The following UBE2O variants were observed in gnomAD, a reference collection of about 807,000 sequenced individuals.
UBE2O encodes the protein ubiquitin conjugating enzyme E2 O, also known as (E3-independent) E2 ubiquitin-conjugating enzyme.
In UBE2O, 15 loss-of-function variants were observed where a neutral mutation model predicts 125.8. The observed-to-expected ratio is 0.12, with a 90% CI of 0.08 to 0.18. UBE2O has a LOEUF of 0.18. Ranked by LOEUF, UBE2O falls within the 10% of genes least tolerant of loss-of-function variation. The pLI is 1.00. For missense variants in UBE2O, 1,280 were observed against 1,723.6 expected (o/e 0.74, Z 4.56); for synonymous variants, 708 against 703.2 (o/e 1.01, Z -0.11).
At chr17:76,439,078 A>G (rs2073042133) in intron 1 of UBE2O, among the ~76,000 whole-genome samples, 2 of 152,222 alleles carry the variant, frequency 1.3e-5, no homozygotes, top group Non-Finnish European at 1.5e-5. Flanking sequence ...ACCTGCACAC[A>G]CACAGCAAGC....
chr17:76,408,546 C>G (rs941462701), intron 1 of UBE2O, among the ~76,000 whole-genome samples: 7 of 152,222 alleles, frequency 4.6e-5, no homozygotes, highest in Admixed American at 4.6e-4. Context: ...CAGGGAAAGA[C>G]TTCTGGCAGG....
intron 1 of UBE2O, among the ~76,000 whole-genome samples, chr17:76,406,696 T>TG (rs1249075900): frequency 1.5e-3 from 168 of 112,846 alleles, no homozygotes; most frequent in African/African-American, 5.9e-3. Flanking sequence ...CAAGTTGTTT[T>TG]TTTTTTTTTT....
At position 76,399,391 on chromosome 17, in the gene UBE2O, C is replaced by G. The variant is rs1020934436; in HGVS notation, c.1628+58G>C. ...CGCAGGCACGCACACCGAGGGGACG[C>G]GCACTCTGCCTGGCTTCACGCTGAC... On this transcript the variant is annotated intron_variant, in intron 9 of 17. Transcript: ENST00000319380. The surrounding 1 kb of genome is among the most constrained non-coding windows in gnomAD (Gnocchi z 6.9). 7 of 1,525,626 alleles carry G rather than the reference C, an allele frequency of 4.6e-6. No homozygotes were observed. The highest frequency in any genetic ancestry group is 5.4e-6 in the Non-Finnish European group (6 of 1,110,204). 94.5% of individuals were successfully genotyped at this position (1,525,626 alleles called of 1,614,324 possible). A position where few individuals can be genotyped will look rare whatever the true frequency, so the allele number is the denominator to read the frequency against.
At chr17:76,434,203 C>A (rs557269988) in intron 1 of UBE2O, among the ~76,000 whole-genome samples, 2 of 152,290 alleles carry the variant, frequency 1.3e-5, no homozygotes, top group South Asian at 4.1e-4. Context: ...CCCTTCCAGT[C>A]TTACCACTAT....
intron 1 of UBE2O, among the ~76,000 whole-genome samples, chr17:76,428,487 T>C (rs976701830): frequency 6.6e-6 from 1 of 152,268 alleles, no homozygotes; most frequent in African/African-American, 2.4e-5. Flanking sequence ...ATTTTTATAG[T>C]AACTTTTTAT....
chr17:76,424,444 C>A (rs886128536), intron 1 of UBE2O, among the ~76,000 whole-genome samples: 1 of 142,748 alleles, frequency 7.0e-6, no homozygotes, highest in Non-Finnish European at 1.5e-5. Context: ...CCTGACCTCA[C>A]GTGATTCGCC....
rs1025537345 is a variant in UBE2O, at chr17:76,410,501, G to A, written c.418-4929C>T. 2.0e-5 allele frequency among the ~76,000 whole-genome samples: 3 copies of A among 152,300 alleles called. No homozygotes were observed. Among genetic ancestry groups the A allele is most frequent in the Non-Finnish European group, 2.9e-5 (2 of 68,014 alleles). ...AGTGCCACAGCTGAGAAGCCCTGAAGGTGCTCTGGAGACGCAGGTGCTGAG... is the reference window on the plus strand; with the variant it reads ...AGTGCCACAGCTGAGAAGCCCTGAAAGTGCTCTGGAGACGCAGGTGCTGAG... On this transcript the variant is annotated intron_variant, in intron 1 of 17. Transcript: ENST00000319380. This position sits in a 1 kb window ranked among gnomAD's most constrained non-coding sequence, Gnocchi z 4.0.
intron 1 of UBE2O, among the ~76,000 whole-genome samples, chr17:76,406,064 C>T (rs920961603): frequency 2.0e-5 from 3 of 152,198 alleles, no homozygotes; most frequent in Non-Finnish European, 2.9e-5. Context: ...TGGCTATCAC[C>T]GGACACCATG....
intron 1 of UBE2O, among the ~76,000 whole-genome samples, chr17:76,437,728 T>C (rs1406795494): frequency 6.6e-6 from 1 of 152,106 alleles, no homozygotes; most frequent in Non-Finnish European, 1.5e-5. Flanking sequence ...TCAATGTCAA[T>C]TTTTTTACTT....
chr17:76,434,654 T>C (rs1049905121), intron 1 of UBE2O, among the ~76,000 whole-genome samples: 2 of 152,092 alleles, frequency 1.3e-5, no homozygotes, highest in African/African-American at 4.8e-5. Flanking sequence ...CCTTGGCTTC[T>C]GCAAGGAGCT....
chr17:76,446,595 T>G (rs61619670), intron 1 of UBE2O, among the ~76,000 whole-genome samples: 1 of 152,084 alleles, frequency 6.6e-6, no homozygotes, highest in African/African-American at 2.4e-5. Flanking sequence ...GAAACTGAAA[T>G]TGAGGTGGAA....
At chr17:76,435,417 TACAC>T (rs59781051) in intron 1 of UBE2O, among the ~76,000 whole-genome samples, 7,233 of 96,374 alleles carry the variant, frequency 0.075, 239 homozygotes, top group African/African-American at 0.1. Context: ...CACACACACA[TACAC>T]ACACACACAC....
chr17:76,406,213 T>C (rs964985217), intron 1 of UBE2O, among the ~76,000 whole-genome samples: 2 of 152,246 alleles, frequency 1.3e-5, no homozygotes, highest in Non-Finnish European at 2.9e-5. Context: ...TGATTGTCTC[T>C]TTACGCACAG....
intron 1 of UBE2O, among the ~76,000 whole-genome samples, chr17:76,420,156 T>C (rs567524053): frequency 2.0e-5 from 3 of 152,236 alleles, no homozygotes; most frequent in East Asian, 3.9e-4. Context: ...ACAGCCACAC[T>C]CTGAAAATGC....
chr17:76,451,551 C>A (rs992380796), intron 1 of UBE2O, among the ~76,000 whole-genome samples: 1 of 152,120 alleles, frequency 6.6e-6, no homozygotes, highest in African/African-American at 2.4e-5. Context: ...CTTCTCAAGC[C>A]GTTGTCACAG....
chr17:76,420,365 AG>A (rs994313125), intron 1 of UBE2O, among the ~76,000 whole-genome samples: 2 of 151,958 alleles, frequency 1.3e-5, no homozygotes, highest in Admixed American at 6.6e-5. Flanking sequence ...ATGGAAGTGC[AG>A]GGGGGCCTAT....
rs1414566958 is a variant in UBE2O at position 76,400,157 on chromosome 17, A to G, written c.1145T>C (p.Met382Thr). The change falls in exon 8 of 18, where the codon ATG becomes ACG. Residue 382 changes from methionine (M) to threonine (T), a missense_variant. Coordinates refer to ENST00000319380, the MANE Select transcript of UBE2O (RefSeq NM_022066.4). The surrounding 1 kb of genome is among the most constrained non-coding windows in gnomAD (Gnocchi z 4.3). ...EKNCAQGEGS[M>T]AKKVKRLLKK... Reference sequence around the variant, plus strand: ...ACCCCAAGGACATACCTTCTTGGCCATAGAGCCCTCCCCCTGGGCGCAGTT... The same window carrying G: ...ACCCCAAGGACATACCTTCTTGGCCGTAGAGCCCTCCCCCTGGGCGCAGTT... 2 of 1,613,982 alleles carry G rather than the reference A, an allele frequency of 1.2e-6. No homozygotes were observed. Among genetic ancestry groups the G allele is most frequent in the Non-Finnish European group, 1.7e-6 (2 of 1,179,936 alleles).
chr17:76,398,882 C>A lies in UBE2O; in HGVS notation c.1738G>T (p.Asp580Tyr). Reference sequence around the variant, plus strand: ...TCTCCAGGGCAGAACTCGTTGTTGTCCAGGTGGTGCACAGGGAAGAGGTCG... The same window carrying A: ...TCTCCAGGGCAGAACTCGTTGTTGTACAGGTGGTGCACAGGGAAGAGGTCG... Reference protein sequence around the residue: ...SNDLFPVHHLDNNEFCPGDFV... With the variant: ...SNDLFPVHHLYNNEFCPGDFV... Residue 580 changes from aspartate (D) to tyrosine (Y), a missense_variant, in exon 10 of 18, where the codon GAC becomes TAC. Asp to Tyr is a radical substitution (Grantham distance 160). Coordinates refer to ENST00000319380, the MANE Select transcript of UBE2O (RefSeq NM_022066.4). This position sits in a 1 kb window ranked among gnomAD's most constrained non-coding sequence, Gnocchi z 5.4. 6.2e-7 allele frequency: 1 copy of A among 1,614,116 alleles called. No individual in the cohort carries two copies. The highest frequency in any genetic ancestry group is 1.1e-5 in the South Asian group (1 of 91,078).
At chr17:76,451,036 C>T (rs1309304809) in intron 1 of UBE2O, among the ~76,000 whole-genome samples, 2 of 152,224 alleles carry the variant, frequency 1.3e-5, no homozygotes, top group African/African-American at 2.4e-5. Flanking sequence ...AAAGTCAAGA[C>T]GGACGGGAAC....
Sources: allele counts gnomAD v4.1 joint callset (sites outside exome capture counted in the v4.1 genomes callset), GRCh38; gene constraint gnomAD v4.1.1; non-coding constraint Gnocchi (gnomAD v3.1); transcripts MANE v1.5; gene names NCBI Gene and HGNC (gene_info 2026-07-23, HGNC 2026-07-21).